The following GABBR2 variants were observed in gnomAD, a reference collection of about 807,000 sequenced individuals.
The protein encoded by GABBR2 is gamma-aminobutyric acid type B receptor subunit 2.
Under a neutral mutation model 105.6 loss-of-function variants are expected in GABBR2, and 23 were observed. That is an observed-to-expected ratio of 0.22 (90% CI 0.16 to 0.31). The LOEUF is 0.31. GABBR2 is among the 10% of genes least tolerant of loss of function. GABBR2 has a pLI of 1.00. For missense variants in GABBR2, 734 were observed against 1,245.5 expected (o/e 0.59, Z 6.18); for synonymous variants, 478 against 499.7 (o/e 0.96, Z 0.58).
At chr9:98,357,907 A>G (rs781135455) in intron 13 of GABBR2, among the ~76,000 whole-genome samples, 1 of 152,028 alleles carries the variant, frequency 6.6e-6, no homozygotes, top group Non-Finnish European at 1.5e-5. Flanking sequence ...TCCTTAAACA[A>G]TATTCTGTTC....
At chr9:98,444,591 T>C (rs576152328) in intron 7 of GABBR2, among the ~76,000 whole-genome samples, 1 of 152,314 alleles carries the variant, frequency 6.6e-6, no homozygotes, top group African/African-American at 2.4e-5. Context: ...AGACTATAAA[T>C]GCACTCTGTA....
intron 1 of GABBR2, among the ~76,000 whole-genome samples, chr9:98,589,435 T>C (rs968236003): frequency 6.6e-6 from 1 of 152,184 alleles, no homozygotes; most frequent in African/African-American, 2.4e-5. Flanking sequence ...TTCTGGGCTA[T>C]AGAGGTGTAG....
chr9:98,436,182 T>C lies in GABBR2; in HGVS notation c.1236+17799A>G, dbSNP rs535333806. Among the ~76,000 whole-genome samples, 277 of 149,110 alleles carry C rather than the reference T, an allele frequency of 1.9e-3. 2 individuals carry two copies. The highest frequency in any genetic ancestry group is 3.3e-3 in the Non-Finnish European group (225 of 67,500). ...TGGTCCCATCACTGATGATAAACCT[T>C]CCATGGCCCAGAAAGAGTGTTTTAT... On this transcript the variant is annotated intron_variant, in intron 7 of 18. Transcript: ENST00000259455.
At chr9:98,682,311 G>GA (rs1830560101) in intron 1 of GABBR2, among the ~76,000 whole-genome samples, 2 of 141,990 alleles carry the variant, frequency 1.4e-5, no homozygotes, top group Admixed American at 7.1e-5. Context: ...AAAGGCAAGT[G>GA]AAAAAACAGG....
chr9:98,394,556 G>A (rs1341431359), intron 8 of GABBR2, among the ~76,000 whole-genome samples: 1 of 152,196 alleles, frequency 6.6e-6, no homozygotes, highest in African/African-American at 2.4e-5. Context: ...CCTGGTCACT[G>A]AGCTGAAATG....
At chr9:98,681,157 G>T (rs1450167244) in intron 1 of GABBR2, among the ~76,000 whole-genome samples, 3 of 147,432 alleles carry the variant, frequency 2.0e-5, no homozygotes, top group Non-Finnish European at 4.5e-5. Flanking sequence ...GTTTATTGCG[G>T]CATTATTCAC....
At chr9:98,491,843 C>T (rs1023857793) in intron 4 of GABBR2, among the ~76,000 whole-genome samples, 5 of 152,158 alleles carry the variant, frequency 3.3e-5, no homozygotes, top group African/African-American at 1.2e-4. Context: ...ATTATTTAGA[C>T]TTTGCTTTCC....
intron 1 of GABBR2, among the ~76,000 whole-genome samples, chr9:98,661,248 C>T (rs996694582): frequency 1.3e-5 from 2 of 152,196 alleles, no homozygotes; most frequent in Admixed American, 1.3e-4. Context: ...CTCCCTTTTG[C>T]CATGGAAGGC....
At chr9:98,535,233 A>G (rs2001993) in intron 3 of GABBR2, among the ~76,000 whole-genome samples, 93,679 of 151,782 alleles carry the variant, frequency 0.62, 29,096 homozygotes, top group East Asian at 0.78. Flanking sequence ...AAGTAGCTGG[A>G]ATTACAGGCG....
intron 13 of GABBR2, among the ~76,000 whole-genome samples, chr9:98,324,857 T>A (rs1211682367): frequency 1.3e-5 from 2 of 152,178 alleles, no homozygotes; most frequent in African/African-American, 4.8e-5. Flanking sequence ...ATTATAACTA[T>A]AAACCTGTTC....
chr9:98,326,285 C>CA lies in GABBR2; in HGVS notation c.1894-15081dup, dbSNP rs146206609. ...ATAACTGCCTCTAACTATAATTTAGCATTTGTCACATATATAATCTCATGT... is the reference window on the plus strand; with the variant it reads ...ATAACTGCCTCTAACTATAATTTAGCAATTTGTCACATATATAATCTCATGT... On this transcript the variant is annotated intron_variant, in intron 13 of 18. Coordinates refer to ENST00000259455, the MANE Select transcript of GABBR2 (RefSeq NM_005458.8). 3.2e-3 allele frequency among the ~76,000 whole-genome samples: 484 copies of CA among 152,340 alleles called. 1 individual carries two copies. The highest frequency in any genetic ancestry group is 0.01 in the African/African-American group (434 of 41,570).
chr9:98,380,862 A>G (rs368766051), intron 11 of GABBR2, among the ~76,000 whole-genome samples: 43 of 152,276 alleles, frequency 2.8e-4, no homozygotes, highest in African/African-American at 1.0e-3. Flanking sequence ...TGACTGTCAT[A>G]GGTTTCTGCC....
intron 1 of GABBR2, among the ~76,000 whole-genome samples, chr9:98,620,429 T>C (rs1399391872): frequency 6.6e-6 from 1 of 152,182 alleles, no homozygotes; most frequent in Non-Finnish European, 1.5e-5. Flanking sequence ...TTATTTAAAA[T>C]AAAATCAATA....
At chr9:98,449,360 C>T in intron 7 of GABBR2, among the ~76,000 whole-genome samples, 1 of 152,076 alleles carries the variant, frequency 6.6e-6, no homozygotes. Flanking sequence ...TGTTATTCCT[C>T]TCTATACTCC....
chr9:98,602,544 A>T (rs763153264), intron 1 of GABBR2, among the ~76,000 whole-genome samples: 1 of 150,936 alleles, frequency 6.6e-6, no homozygotes, highest in East Asian at 2.0e-4. Flanking sequence ...TCCCTCCTAG[A>T]CCTCCCAAAG....
chr9:98,694,060 G>A (rs1485591096), intron 1 of GABBR2, among the ~76,000 whole-genome samples: 1 of 152,204 alleles, frequency 6.6e-6, no homozygotes, highest in East Asian at 1.9e-4. Flanking sequence ...CCAAATACTT[G>A]TATATCTCCT....
At chr9:98,703,358 G>A (rs1214057178) in intron 1 of GABBR2, among the ~76,000 whole-genome samples, 1 of 152,212 alleles carries the variant, frequency 6.6e-6, no homozygotes, top group African/African-American at 2.4e-5. Context: ...TTGGCTTTCT[G>A]TCATTTGCAT....
intron 1 of GABBR2, among the ~76,000 whole-genome samples, chr9:98,592,984 T>G (rs1829168208): frequency 6.6e-6 from 1 of 152,168 alleles, no homozygotes; most frequent in Non-Finnish European, 1.5e-5. Context: ...TAGTTATTTA[T>G]TTTTTCTTTT....
At chr9:98,293,378 G>T (rs763403578) in intron 18 of GABBR2, among the ~76,000 whole-genome samples, 1 of 152,172 alleles carries the variant, frequency 6.6e-6, no homozygotes, top group African/African-American at 2.4e-5. Context: ...GCTCTATGAA[G>T]ATAGGAATTT....
Sources: gnomAD v4.1 joint callset for allele counts (sites outside exome capture counted in the v4.1 genomes callset) on GRCh38, gnomAD v4.1.1 for gene constraint, MANE v1.5 for transcripts, NCBI Gene and HGNC (gene_info 2026-07-23, HGNC 2026-07-21) for gene names.